Variants in PON3 observed in about 807,000 individuals in gnomAD.
PON3 encodes the protein serum paraoxonase/lactonase 3.
In PON3, 37 loss-of-function variants were observed where a neutral mutation model predicts 36.3. The observed-to-expected ratio is 1.02, with a 90% CI of 0.78 to 1.34. PON3 has a LOEUF of 1.34. Among genes scored for constraint, PON3 ranks in the 40% most tolerant of loss-of-function variants. PON3 has a pLI of 0.00. For synonymous variants in PON3, 155 were observed against 154.8 expected (o/e 1.00, Z -0.01); for missense variants, 415 against 426.5 (o/e 0.97, Z 0.24).
chr7:95,361,813 ATGT>A (rs1393399350), intron 8 of PON3, among the ~76,000 whole-genome samples: 2 of 152,158 alleles, frequency 1.3e-5, no homozygotes, highest in South Asian at 2.1e-4. Context: ...TTGTCTTATA[ATGT>A]TGTTTTTAAT....
intron 3 of PON3, 58 bp downstream of exon 3, chr7:95,390,096 A>T: frequency 6.7e-7 from 1 of 1,493,892 alleles, no homozygotes; most frequent in Non-Finnish European, 9.3e-7. Context: ...GGACAACATT[A>T]ATGCACTGTC....
chr7:95,367,278 A>G, intron 5 of PON3, 84 bp downstream of exon 5: 1 of 1,518,148 alleles, frequency 6.6e-7, no homozygotes, highest in Non-Finnish European at 9.0e-7. Context: ...ACAAAAGTTT[A>G]AGAAAGCCTG....
At chr7:95,371,858 G>T (rs567233999) in intron 4 of PON3, among the ~76,000 whole-genome samples, 1 of 151,728 alleles carries the variant, frequency 6.6e-6, no homozygotes, top group Admixed American at 6.6e-5. Context: ...GTTGTCTTTA[G>T]TGACAACTAA....
At chr7:95,388,121 A>G (rs145273449) in intron 3 of PON3, among the ~76,000 whole-genome samples, 3,032 of 150,530 alleles carry the variant, frequency 0.02, 59 homozygotes, top group African/African-American at 0.049. Context: ...GCTTCTGCAC[A>G]GCAAAAGAAA....
chr7:95,388,881 T>C (rs553301489), intron 3 of PON3, among the ~76,000 whole-genome samples: 135 of 151,814 alleles, frequency 8.9e-4, no homozygotes, highest in Middle Eastern at 3.4e-3. Context: ...TAAGTGGGAG[T>C]TGAACAATGA....
At chr7:95,364,326 C>A (rs1014531749) in intron 5 of PON3, 2 of 500,424 alleles carry the variant, frequency 4.0e-6, no homozygotes, top group Admixed American at 3.3e-5. Context: ...AAATCTCAAA[C>A]CCCAAAATCT....
intron 3 of PON3, among the ~76,000 whole-genome samples, chr7:95,375,867 C>A (rs2116396291): frequency 6.6e-6 from 1 of 152,330 alleles, no homozygotes; most frequent in African/African-American, 2.4e-5. Context: ...TGATGAAAAT[C>A]ATCATCTAGA....
At chr7:95,386,916 C>T (rs2116416902) in intron 3 of PON3, among the ~76,000 whole-genome samples, 1 of 152,188 alleles carries the variant, frequency 6.6e-6, no homozygotes, top group South Asian at 2.1e-4. Context: ...GCAGAAAAGG[C>T]CTTCGACAAA....
intron 3 of PON3, among the ~76,000 whole-genome samples, chr7:95,376,331 C>T (rs1198316250): frequency 1.3e-5 from 2 of 152,200 alleles, no homozygotes; most frequent in Non-Finnish European, 2.9e-5. Context: ...TCCTGTTTGT[C>T]ATCCCTAAAT....
At chr7:95,386,159 T>C (rs1471430146) in intron 3 of PON3, among the ~76,000 whole-genome samples, 1 of 151,916 alleles carries the variant, frequency 6.6e-6, no homozygotes, top group East Asian at 1.9e-4. Flanking sequence ...GATAGATACA[T>C]GAAAAACCCT....
In PON3 at chr7:95,362,803, T is replaced by G; in HGVS notation, c.734A>C (p.His245Pro). ...CCAGTTATCATGTTTTTCCATTATG[T>G]GAATGTTCTTAGCTGCTACATCAGC... is the stretch of plus-strand genomic sequence containing the variant. ...YVADVAAKNI[H>P]IMEKHDNWDL... The change falls in exon 7 of 9, where the codon CAC (histidine) becomes CCC (proline). Residue 245 changes from histidine (H) to proline (P), a missense_variant. Transcript: ENST00000265627. The G allele has an allele frequency of 3.1e-6, 5 of 1,612,236 alleles. No individual in the cohort carries two copies. The highest frequency in any genetic ancestry group is 4.2e-6 in the Non-Finnish European group (5 of 1,178,400).
chr7:95,363,550 G>T (rs1483016750), intron 6 of PON3: 2 of 393,770 alleles, frequency 5.1e-6, no homozygotes, highest in Non-Finnish European at 9.6e-6. Context: ...TTTCATAAGG[G>T]GCAGGGGTAT....
intron 2 of PON3, among the ~76,000 whole-genome samples, chr7:95,391,533 A>G (rs147193877): frequency 9.1e-4 from 138 of 152,344 alleles, no homozygotes; most frequent in Admixed American, 2.8e-3. Flanking sequence ...TCACCTTTCA[A>G]CTTTTCTTCC....
At chr7:95,371,302 G>A (rs575100406) in intron 4 of PON3, among the ~76,000 whole-genome samples, 6 of 146,342 alleles carry the variant, frequency 4.1e-5, no homozygotes, top group African/African-American at 1.7e-4. Flanking sequence ...ATTCTCTTGA[G>A]CATACACCAA....
intron 3 of PON3, chr7:95,377,688 G>A (rs970803025): frequency 2.8e-5 from 7 of 249,808 alleles, no homozygotes; most frequent in African/African-American, 7.0e-5. Flanking sequence ...TGAGAGGCGC[G>A]ACTGTTAGAA....
chr7:95,369,027 A>C (rs1350974492), intron 4 of PON3, among the ~76,000 whole-genome samples: 2 of 152,234 alleles, frequency 1.3e-5, no homozygotes, highest in African/African-American at 4.8e-5. Context: ...TAAAAGACAC[A>C]GGATTAGAAG....
chr7:95,360,762 A>C (rs2116371773), intron 8 of PON3, among the ~76,000 whole-genome samples: 1 of 152,288 alleles, frequency 6.6e-6, no homozygotes, highest in Middle Eastern at 3.4e-3. Context: ...AAATAAAATA[A>C]AATTTTTATT....
chr7:95,372,672 C>T (rs944513880), intron 3 of PON3, among the ~76,000 whole-genome samples: 2 of 152,134 alleles, frequency 1.3e-5, no homozygotes, highest in African/African-American at 4.8e-5. Context: ...TCACATTCCT[C>T]ATCTATAAAA....
intron 6 of PON3, among the ~76,000 whole-genome samples, chr7:95,363,099 G>T (rs750271543): frequency 6.6e-6 from 1 of 150,584 alleles, no homozygotes. Context: ...TTATTACTTC[G>T]AAGTCACAAC....
Sources: gnomAD v4.1 joint callset for allele counts (sites outside exome capture counted in the v4.1 genomes callset) on GRCh38, gnomAD v4.1.1 for gene constraint, MANE v1.5 for transcripts, NCBI Gene and HGNC (gene_info 2026-07-23, HGNC 2026-07-21) for gene names.